ERI1: variants seen among roughly 807,000 people sequenced by gnomAD.
The protein encoded by ERI1 is 3'-5' exoribonuclease 1.
Under a neutral mutation model 39.7 loss-of-function variants are expected in ERI1, and 39 were observed. That is an observed-to-expected ratio of 0.98 (90% CI 0.76 to 1.28). The LOEUF (loss-of-function observed/expected upper bound fraction) is 1.28. ERI1 is among the 50% of genes most tolerant of loss of function. The probability of loss-of-function intolerance (pLI) is 0.00; values close to 1 mark genes in which losing one functional copy is unlikely to be tolerated. For missense variants in ERI1, 581 were observed against 416.9 expected, an observed-to-expected ratio of 1.39 and a Z score of -3.43; for synonymous variants, 204 against 149.6, an observed-to-expected ratio of 1.36 and a Z score of -2.65.
chr8:9,040,133 C>A (rs564448240), intron 3 of ERI1, among the ~76,000 whole-genome samples: 1 of 152,288 alleles, frequency 6.6e-6, no homozygotes, highest in Non-Finnish European at 1.5e-5. Flanking sequence ...GTATTTCTCA[C>A]CGATGCTTGC....
intron 3 of ERI1, among the ~76,000 whole-genome samples, chr8:9,060,281 G>T (rs1585270932): frequency 6.6e-6 from 1 of 152,140 alleles, no homozygotes; most frequent in African/African-American, 2.4e-5. Flanking sequence ...GACCGCGGTG[G>T]CCTTCTCAGA....
Position 9,003,119 on chromosome 8 carries a change from TG to T in ERI1, c.58del (p.Glu20SerfsTer60). The T allele has an allele frequency of 8.0e-7, 1 of 1,246,404 alleles. No homozygotes were observed. Among genetic ancestry groups the T allele is most frequent in the Non-Finnish European group, 1.0e-6 (1 of 990,360 alleles). The allele number at this position is 1,246,404 out of a possible 1,614,324, so 77.2% of individuals were successfully genotyped here. A position where few individuals can be genotyped will look rare whatever the true frequency, so the allele number is the denominator to read the frequency against. On this transcript the variant is annotated frameshift_variant, in exon 1 of 7. Coordinates refer to ENST00000250263, the MANE Select transcript of ERI1 (RefSeq NM_153332.4). LOFTEE classifies it high-confidence loss of function. ...PAGEAVALAL[L>X]ESPRPEGGEE... ...GGCGAGGCCGTGGCTCTCGCGCTGC[TG>T]GAGTCGCCGCGGCCGGAGGGCGGGG... is the stretch of plus-strand genomic sequence containing the variant.
intron 1 of ERI1, among the ~76,000 whole-genome samples, chr8:9,003,534 A>T (rs1297025402): frequency 6.6e-6 from 1 of 152,224 alleles, no homozygotes; most frequent in Non-Finnish European, 1.5e-5. Flanking sequence ...ATCTCACCAT[A>T]TACGCTAGGT....
chr8:9,015,658 C>G lies in ERI1; in HGVS notation c.499-664C>G, dbSNP rs373849161. ...AATGGCGTGAACCTGGGAGGCGGAG[C>G]TTGCAGTGAGCCGAGATTGTGGCAG... On this transcript the variant is annotated intron_variant, in intron 3 of 6. Transcript: ENST00000250263. 2.8e-4 allele frequency among the ~76,000 whole-genome samples: 38 copies of G among 135,074 alleles called. No individual in the cohort carries two copies. In the South Asian group the frequency reaches 8.8e-3, roughly 31 times the overall value. 88.6% of individuals were successfully genotyped at this position (135,074 alleles called of 152,430 possible).
chr8:9,038,994 G>A (rs1797938324), intron 3 of ERI1, among the ~76,000 whole-genome samples: 1 of 152,160 alleles, frequency 6.6e-6, no homozygotes, highest in African/African-American at 2.4e-5. Flanking sequence ...TCAGCTGACA[G>A]CATGATTAGT....
intron 3 of ERI1, among the ~76,000 whole-genome samples, chr8:9,078,090 A>G (rs191210444): frequency 3.9e-5 from 6 of 152,226 alleles, no homozygotes; most frequent in African/African-American, 4.8e-5. Context: ...CCTGGGTTCA[A>G]GTGATTCTCC....
In ERI1 at chr8:9,011,615, A is replaced by G. The variant is rs748620406; in HGVS notation, c.361A>G (p.Asn121Asp). The G allele has an allele frequency of 5.0e-6, 8 of 1,613,464 alleles. No individual in the cohort carries two copies. Among genetic ancestry groups the G allele is most frequent in the Non-Finnish European group, 8.5e-7 (1 of 1,179,636 alleles). ...GCAGAAGCTGATGCTGAAAGAGAGC[A>G]ATTTTGCTGACAGTTATTATGACTA... ...KKQKLMLKESNFADSYYDYIC... is the reference protein window; with the variant it reads ...KKQKLMLKESDFADSYYDYIC... Residue 121 changes from asparagine to aspartate, a missense_variant, in exon 3 of 7, where the codon AAT (asparagine) becomes GAT (aspartate). By Grantham distance (23) the Asn-to-Asp change is conservative (BLOSUM62 1). Transcript: ENST00000250263.
chr8:9,072,692 G>A (rs994305498), intron 3 of ERI1, among the ~76,000 whole-genome samples: 11 of 151,194 alleles, frequency 7.3e-5, no homozygotes, highest in African/African-American at 2.7e-4. Flanking sequence ...ATCTCACTCC[G>A]CCACTATTTT....
At chr8:9,025,766 G>A (rs531045287) in intron 6 of ERI1, among the ~76,000 whole-genome samples, 130 of 151,630 alleles carry the variant, frequency 8.6e-4, no homozygotes, top group African/African-American at 3.0e-3. Context: ...TCCCTAATTG[G>A]AAATGATTGG....
intron 3 of ERI1, among the ~76,000 whole-genome samples, chr8:9,014,052 G>A (rs1246076105): frequency 1.3e-5 from 2 of 152,260 alleles, no homozygotes; most frequent in Admixed American, 6.5e-5. Flanking sequence ...TCACCCCTCT[G>A]CTCAAAACCC....
chr8:9,086,701 C>A (rs918154764), intron 3 of ERI1, among the ~76,000 whole-genome samples: 1 of 152,144 alleles, frequency 6.6e-6, no homozygotes, highest in Non-Finnish European at 1.5e-5. Flanking sequence ...TGAAAAGCAG[C>A]CTAAATGTCC....
chr8:9,021,758 ATTATTTGTTTTT>A (rs1294021075), intron 6 of ERI1, among the ~76,000 whole-genome samples: 15 of 93,578 alleles, frequency 1.6e-4, no homozygotes, highest in Non-Finnish European at 3.0e-4. Context: ...TACTGGCTAT[ATTATTTGTTTTT>A]TTTGTTTTTT....
chr8:9,045,025 C>T (rs1436767642), intron 3 of ERI1, among the ~76,000 whole-genome samples: 1 of 151,994 alleles, frequency 6.6e-6, no homozygotes, highest in Non-Finnish European at 1.5e-5. Context: ...ATCACGAGGT[C>T]AGGAGATCGA....
chr8:9,049,555 A>G (rs1243155961), intron 3 of ERI1, among the ~76,000 whole-genome samples: 1 of 151,036 alleles, frequency 6.6e-6, no homozygotes, highest in Non-Finnish European at 1.5e-5. Context: ...TAAAAAAAAA[A>G]GCATGAAAAT....
At chr8:9,066,547 A>G (rs1798884244) in intron 3 of ERI1, among the ~76,000 whole-genome samples, 1 of 152,182 alleles carries the variant, frequency 6.6e-6, no homozygotes, top group Non-Finnish European at 1.5e-5. Flanking sequence ...GGCACGGTGA[A>G]GGAGGGTGAC....
At chr8:9,062,166 C>A (rs2979253) in intron 3 of ERI1, among the ~76,000 whole-genome samples, 1 of 151,738 alleles carries the variant, frequency 6.6e-6, no homozygotes, top group African/African-American at 2.4e-5. Context: ...CTTTTTAAAG[C>A]GTGCTGTGGG....
At chr8:9,061,072 T>G (rs1470662556) in intron 3 of ERI1, among the ~76,000 whole-genome samples, 1 of 152,108 alleles carries the variant, frequency 6.6e-6, no homozygotes, top group Non-Finnish European at 1.5e-5. Context: ...ACTAATTCGG[T>G]TTGTTCAGAG....
At chr8:9,020,109 C>G (rs1018400997) in intron 5 of ERI1, among the ~76,000 whole-genome samples, 8 of 152,086 alleles carry the variant, frequency 5.3e-5, no homozygotes, top group African/African-American at 1.2e-4. Context: ...TGAAAACAAT[C>G]AAGATGAGCC....
chr8:9,008,172 T>C, intron 2 of ERI1, 24 bp downstream of exon 2: 1 of 1,509,760 alleles, frequency 6.6e-7, no homozygotes, highest in African/African-American at 1.4e-5. Flanking sequence ...ACTTATAAAA[T>C]TATAAAAGTA....
Sources: allele counts gnomAD v4.1 joint callset (sites outside exome capture counted in the v4.1 genomes callset), GRCh38; gene constraint gnomAD v4.1.1; transcripts MANE v1.5; gene names NCBI Gene and HGNC (gene_info 2026-07-23, HGNC 2026-07-21).